The following ATXN7L1 variants were observed in gnomAD, a reference collection of about 807,000 sequenced individuals.
The protein encoded by ATXN7L1 is ataxin-7-like protein 1.
Under a neutral mutation model 70.8 loss-of-function variants are expected in ATXN7L1, and 15 were observed. The observed-to-expected ratio is 0.21, with a 90% CI of 0.14 to 0.33. ATXN7L1 has a LOEUF of 0.33. ATXN7L1 is among the 10% of genes least tolerant of loss of function. ATXN7L1 has a pLI of 1.00. For synonymous variants in ATXN7L1, 440 were observed against 445.1 expected (o/e 0.99, Z 0.14); for missense variants, 975 against 1,097.1 (o/e 0.89, Z 1.57).
intron 4 of ATXN7L1, among the ~76,000 whole-genome samples, chr7:105,656,061 T>A (rs1800586081): frequency 6.6e-6 from 1 of 152,148 alleles, no homozygotes; most frequent in South Asian, 2.1e-4. Context: ...GGGGAGGAAA[T>A]CCTCCTCCTA....
At chr7:105,794,917 T>C (rs923995181) in intron 2 of ATXN7L1, among the ~76,000 whole-genome samples, 9 of 152,244 alleles carry the variant, frequency 5.9e-5, no homozygotes, top group African/African-American at 1.9e-4. Flanking sequence ...TCTCAGTGCC[T>C]CTGTTTCGAG....
In ATXN7L1 at chr7:105,778,510, C is replaced by CAAA. The variant is rs745820046; in HGVS notation, c.355+10091_355+10093dup. The stretch of plus-strand genomic sequence containing the variant: ...TGGGCAACAGAGGAAGACCCTATCT[C>CAAA]AAAAAAAAAAAAAAAAAAAAAAAAA... On this transcript the variant is annotated intron_variant, in intron 3 of 11. Transcript: ENST00000419735. Among the ~76,000 whole-genome samples the CAAA allele has an allele frequency of 3.3e-3, 112 of 34,096 alleles. 1 individual carries two copies. Among genetic ancestry groups the CAAA allele is most frequent in the South Asian group, 0.018 (17 of 940 alleles). 22.4% of individuals were successfully genotyped at this position (34,096 alleles called of 152,430 possible). A position where few individuals can be genotyped will look rare whatever the true frequency, so the allele number is the denominator to read the frequency against.
At chr7:105,687,684 A>G (rs188798828) in intron 3 of ATXN7L1, among the ~76,000 whole-genome samples, 1 of 152,294 alleles carries the variant, frequency 6.6e-6, no homozygotes, top group East Asian at 1.9e-4. Flanking sequence ...ACCAATACCT[A>G]AAAACCATGC....
chr7:105,845,118 T>G lies in ATXN7L1; in HGVS notation c.250+30694A>C, dbSNP rs1406660679. Among the ~76,000 whole-genome samples, 6 of 145,226 alleles carry G rather than the reference T, an allele frequency of 4.1e-5. No individual in the cohort carries two copies. In the East Asian group the frequency reaches 1.2e-3, roughly 29 times the overall value. On this transcript the variant is annotated intron_variant, in intron 2 of 11. Coordinates refer to ENST00000419735, the MANE Select transcript of ATXN7L1 (RefSeq NM_020725.2). Reference sequence around the variant, plus strand: ...TACTCAGGAGGCTGAGGCAGGAGGATTGCTTGAACCTGGGAGGCGGAGGTT... The same window carrying G: ...TACTCAGGAGGCTGAGGCAGGAGGAGTGCTTGAACCTGGGAGGCGGAGGTT...
chr7:105,715,987 C>CA (rs1185365634), intron 3 of ATXN7L1, among the ~76,000 whole-genome samples: 4 of 151,800 alleles, frequency 2.6e-5, no homozygotes, highest in Admixed American at 2.6e-4. Flanking sequence ...CCCTACCCTC[C>CA]AAAAAAAGCT....
At chr7:105,639,713 T>G (rs1436212653) in intron 5 of ATXN7L1, 144 bp from the exon 6 acceptor site, 1 of 663,390 alleles carries the variant, frequency 1.5e-6, no homozygotes, top group Non-Finnish European at 2.5e-6. Flanking sequence ...TTTTGTGTTT[T>G]GTTTTCTCAA....
chr7:105,705,326 G>A (rs921267936), intron 3 of ATXN7L1, among the ~76,000 whole-genome samples: 1 of 144,596 alleles, frequency 6.9e-6, no homozygotes, highest in Non-Finnish European at 1.5e-5. Flanking sequence ...ATGCCCGGCC[G>A]AGTATTTTTT....
intron 2 of ATXN7L1, among the ~76,000 whole-genome samples, chr7:105,794,586 G>A (rs532457584): frequency 7.9e-5 from 12 of 152,304 alleles, no homozygotes; most frequent in Admixed American, 2.6e-4. Context: ...TATTCATCAT[G>A]TACCATACTG....
chr7:105,740,925 T>C (rs2116359936), intron 3 of ATXN7L1, among the ~76,000 whole-genome samples: 1 of 152,030 alleles, frequency 6.6e-6, no homozygotes, highest in East Asian at 1.9e-4. Context: ...CCACCACGCC[T>C]GGCTAATTTT....
At chr7:105,764,499 G>A (rs1345895810) in intron 3 of ATXN7L1, among the ~76,000 whole-genome samples, 1 of 152,156 alleles carries the variant, frequency 6.6e-6, no homozygotes, top group Non-Finnish European at 1.5e-5. Flanking sequence ...AAGCCCTCCA[G>A]GGGATTCTGA....
At chr7:105,775,806 C>T (rs1224933807) in intron 3 of ATXN7L1, among the ~76,000 whole-genome samples, 1 of 152,190 alleles carries the variant, frequency 6.6e-6, no homozygotes, top group South Asian at 2.1e-4. Flanking sequence ...TTGTTGCCCA[C>T]TGCATGTGGC....
chr7:105,740,562 T>C (rs1448427584), intron 3 of ATXN7L1, among the ~76,000 whole-genome samples: 1 of 152,036 alleles, frequency 6.6e-6, no homozygotes, highest in Non-Finnish European at 1.5e-5. Flanking sequence ...ACTATGTAGC[T>C]GGGATGGAAA....
intron 3 of ATXN7L1, among the ~76,000 whole-genome samples, chr7:105,717,316 C>T (rs628207): frequency 0.43 from 65,084 of 151,798 alleles, 14,635 homozygotes; most frequent in East Asian, 0.6. Context: ...TTAGTAGAGA[C>T]GGGGTTTTGC....
At chr7:105,870,626 G>T (rs1237968658) in intron 2 of ATXN7L1, among the ~76,000 whole-genome samples, 1 of 151,990 alleles carries the variant, frequency 6.6e-6, no homozygotes, top group Non-Finnish European at 1.5e-5. Flanking sequence ...TCTATGAATT[G>T]GTATTCTTTA....
At chr7:105,838,530 G>A (rs73193830) in intron 2 of ATXN7L1, among the ~76,000 whole-genome samples, 26,335 of 152,166 alleles carry the variant, frequency 0.17, 2,954 homozygotes, top group South Asian at 0.4. Flanking sequence ...TATAAGAGGA[G>A]TGGCCTGTGC....
At chr7:105,774,137 C>T (rs912314890) in intron 3 of ATXN7L1, among the ~76,000 whole-genome samples, 2 of 152,126 alleles carry the variant, frequency 1.3e-5, no homozygotes, top group Non-Finnish European at 2.9e-5. Context: ...CCACCAAACC[C>T]TAGGGACCCA....
intron 5 of ATXN7L1, among the ~76,000 whole-genome samples, chr7:105,642,213 C>T (rs1798365265): frequency 6.6e-6 from 1 of 152,196 alleles, no homozygotes; most frequent in Non-Finnish European, 1.5e-5. Context: ...CAAGTGTCTG[C>T]TCAGACAACC....
chr7:105,609,187 T>G (rs1792942427), intron 11 of ATXN7L1, among the ~76,000 whole-genome samples: 1 of 152,104 alleles, frequency 6.6e-6, no homozygotes, highest in African/African-American at 2.4e-5. Flanking sequence ...TTTTTTTTTT[T>G]GAGACAAAGT....
chr7:105,640,853 C>T (rs941201371), intron 5 of ATXN7L1, among the ~76,000 whole-genome samples: 5 of 152,234 alleles, frequency 3.3e-5, no homozygotes, highest in African/African-American at 1.2e-4. Context: ...AATGACACAG[C>T]CCTCTGGGCA....
Sources: gnomAD v4.1 joint callset for allele counts (sites outside exome capture counted in the v4.1 genomes callset) on GRCh38, gnomAD v4.1.1 for gene constraint, MANE v1.5 for transcripts, NCBI Gene and HGNC (gene_info 2026-07-23, HGNC 2026-07-21) for gene names.